The following WDR27 variants were observed in gnomAD, a reference collection of about 807,000 sequenced individuals.
The protein encoded by WDR27 is WD repeat-containing protein 27.
Under a neutral mutation model 114.4 loss-of-function variants are expected in WDR27, and 100 were observed. The ratio of observed to expected loss-of-function variants is 0.87; its 90% CI spans 0.74 to 1.03. The LOEUF (loss-of-function observed/expected upper bound fraction) is 1.03. WDR27 is among the 50% of genes least tolerant of loss of function. WDR27 has a pLI of 0.00. For missense variants in WDR27, 1,129 were observed against 1,092.9 expected, an observed-to-expected ratio of 1.03 and a Z score of -0.47; for synonymous variants, 449 against 423.1, an observed-to-expected ratio of 1.06 and a Z score of -0.75.
intron 25 of WDR27, among the ~76,000 whole-genome samples, chr6:169,512,101 CT>C (rs1268997331): frequency 6.6e-6 from 1 of 152,002 alleles, no homozygotes; most frequent in African/African-American, 2.4e-5. Flanking sequence ...AAATTATTTC[CT>C]TTCAAATAGA....
rs532743128 is a variant in WDR27, at chr6:169,515,035, ATTAAAT to A, written c.2645+57378_2645+57383del. On this transcript the variant is annotated intron_variant, in intron 25 of 25. Coordinates refer to ENST00000448612, the MANE Select transcript of WDR27 (RefSeq NM_182552.5). ...ATATATGCACATAAGAAAGACTAAAATTAAATTTAAAAGACTGATAACACTAATTGT... is the reference window on the plus strand; with the variant it reads ...ATATATGCACATAAGAAAGACTAAAATTAAAAGACTGATAACACTAATTGT... 2.1e-3 allele frequency among the ~76,000 whole-genome samples: 323 copies of A among 152,290 alleles called. 1 individual carries two copies. The highest frequency in any genetic ancestry group is 4.1e-3 in the South Asian group (20 of 4,828).
intron 1 of WDR27, among the ~76,000 whole-genome samples, chr6:169,697,941 G>C (rs74918446): frequency 2.0e-5 from 3 of 152,276 alleles, no homozygotes; most frequent in African/African-American, 7.2e-5. Context: ...CCCCGCGCAC[G>C]GGGAGAGACC....
chr6:169,618,245 C>G (rs190807951), intron 21 of WDR27, among the ~76,000 whole-genome samples: 69 of 152,132 alleles, frequency 4.5e-4, no homozygotes, highest in African/African-American at 1.7e-3. Context: ...GCTGTTTAAA[C>G]TTTTACACAT....
At chr6:169,467,025 G>A (rs1212417894) in intron 25 of WDR27, among the ~76,000 whole-genome samples, 7 of 152,132 alleles carry the variant, frequency 4.6e-5, no homozygotes, top group Admixed American at 4.6e-4. Context: ...AAACAAAGGG[G>A]CTACAGGTCC....
intron 21 of WDR27, among the ~76,000 whole-genome samples, chr6:169,623,951 C>G (rs528050623): frequency 6.6e-6 from 1 of 152,168 alleles, no homozygotes; most frequent in South Asian, 2.1e-4. Flanking sequence ...ACACAAACAG[C>G]AAAACCAGCT....
At chr6:169,441,552 G>A in the WDR27 span, among the ~76,000 whole-genome samples, 15 of 152,174 alleles carry the variant, frequency 9.9e-5, 1 homozygote, top group Middle Eastern at 0.014. Flanking sequence ...GTTACCCAGC[G>A]ACAATCTCAC....
At chr6:169,578,878 C>A (rs1442785266) in intron 24 of WDR27, among the ~76,000 whole-genome samples, 1 of 152,174 alleles carries the variant, frequency 6.6e-6, no homozygotes, top group Non-Finnish European at 1.5e-5. Flanking sequence ...ATGTCTACAG[C>A]CTGATAGACA....
chr6:169,516,311 A>C (rs1793631721), intron 25 of WDR27, among the ~76,000 whole-genome samples: 1 of 152,194 alleles, frequency 6.6e-6, no homozygotes, highest in Non-Finnish European at 1.5e-5. Flanking sequence ...GAGCCATGAA[A>C]ATAAGTACCT....
chr6:169,645,929 A>G (rs1820626934), intron 16 of WDR27, among the ~76,000 whole-genome samples: 1 of 151,660 alleles, frequency 6.6e-6, no homozygotes, highest in African/African-American at 2.4e-5. Context: ...AGAAAATCCT[A>G]GTTCACAGGA....
At chr6:169,685,081 A>G (rs537951083) in intron 2 of WDR27, among the ~76,000 whole-genome samples, 118 of 152,294 alleles carry the variant, frequency 7.7e-4, no homozygotes, top group African/African-American at 2.8e-3. Context: ...AACAGAAGAA[A>G]CCACACAGAT....
At chr6:169,585,448 T>C (rs1252308458) in intron 23 of WDR27, among the ~76,000 whole-genome samples, 1 of 152,190 alleles carries the variant, frequency 6.6e-6, no homozygotes, top group Non-Finnish European at 1.5e-5. Flanking sequence ...AAATGTCTGA[T>C]ATACAGTCGA....
intron 25 of WDR27, among the ~76,000 whole-genome samples, chr6:169,458,073 T>G (rs1361114488): frequency 6.6e-6 from 1 of 152,066 alleles, no homozygotes; most frequent in Non-Finnish European, 1.5e-5. Context: ...CTGATGTACG[T>G]ACTTCCAGTA....
At chr6:169,607,584 A>T (rs1584538986) in intron 22 of WDR27, among the ~76,000 whole-genome samples, 1 of 152,330 alleles carries the variant, frequency 6.6e-6, no homozygotes, top group African/African-American at 2.4e-5. Context: ...ATGTGTACAC[A>T]TGGACATAGA....
intron 18 of WDR27, 94 bp from the exon 19 acceptor site, chr6:169,636,598 C>T (rs1422317570): frequency 3.9e-6 from 5 of 1,296,124 alleles, no homozygotes; most frequent in South Asian, 1.6e-5. Context: ...TAAAACCCAA[C>T]ATCTATTTGT....
At chr6:169,460,930 G>A (rs1268089068) in intron 25 of WDR27, among the ~76,000 whole-genome samples, 1 of 151,902 alleles carries the variant, frequency 6.6e-6, no homozygotes, top group Non-Finnish European at 1.5e-5. Context: ...GCTGTCGTAT[G>A]CATTCCTTTT....
chr6:169,559,281 T>C (rs1799336490), intron 25 of WDR27: 1 of 152,224 alleles, frequency 6.6e-6, no homozygotes, highest in African/African-American at 2.4e-5. Flanking sequence ...CTGTAGTCTG[T>C]ACGGCAGCCT....
chr6:169,606,827 C>T (rs192188821), intron 22 of WDR27, among the ~76,000 whole-genome samples: 282 of 152,124 alleles, frequency 1.9e-3, no homozygotes, highest in Non-Finnish European at 3.4e-3. Context: ...GGGTATATAC[C>T]CAGTAATGGG....
At chr6:169,432,599 T>C in the WDR27 span, among the ~76,000 whole-genome samples, 1 of 152,240 alleles carries the variant, frequency 6.6e-6, no homozygotes, top group Non-Finnish European at 1.5e-5. Context: ...ACTACCACCA[T>C]GTAAGACGTG....
chr6:169,448,106 T>A, the WDR27 span, among the ~76,000 whole-genome samples: 1 of 152,142 alleles, frequency 6.6e-6, no homozygotes, highest in Non-Finnish European at 1.5e-5. Context: ...TATACTAATA[T>A]TTTACATGTA....
Sources: gnomAD v4.1 joint callset for allele counts (sites outside exome capture counted in the v4.1 genomes callset) on GRCh38, gnomAD v4.1.1 for gene constraint, MANE v1.5 for transcripts, NCBI Gene and HGNC (gene_info 2026-07-23, HGNC 2026-07-21) for gene names.